TRIO: variants seen among roughly 807,000 people sequenced by gnomAD.
The protein encoded by TRIO is triple functional domain protein.
TRIO carries 58 observed loss-of-function variants against 351.9 expected under a neutral mutation model. The observed-to-expected ratio is 0.16, with a 90% confidence interval of 0.13 to 0.21. TRIO has a LOEUF of 0.21. Among genes scored for constraint, TRIO ranks in the 10% least tolerant of loss-of-function variants. The pLI, the probability that TRIO is intolerant of heterozygous loss-of-function variation, is 1.00. For synonymous variants in TRIO, 1,758 were observed against 1,595.7 expected (o/e 1.10, Z -2.42); for missense variants, 3,201 against 4,027.8 (o/e 0.79, Z 5.56).
intron 21 of TRIO, among the ~76,000 whole-genome samples, chr5:14,385,960 T>C (rs1367393142): frequency 6.6e-6 from 1 of 152,188 alleles, no homozygotes; most frequent in Non-Finnish European, 1.5e-5. Context: ...CAGATGGCCC[T>C]TGTGGCAATG....
chr5:14,429,023 G>A (rs530345241), intron 34 of TRIO, among the ~76,000 whole-genome samples: 3 of 152,326 alleles, frequency 2.0e-5, no homozygotes, highest in African/African-American at 4.8e-5. Flanking sequence ...GTACACAAAC[G>A]GGGTTCCCTT....
At chr5:14,257,400 A>G (rs1795083738) in intron 1 of TRIO, among the ~76,000 whole-genome samples, 1 of 152,208 alleles carries the variant, frequency 6.6e-6, no homozygotes, top group Non-Finnish European at 1.5e-5. Flanking sequence ...TGTTGTCACC[A>G]TTTGGGAGAG....
In TRIO at chr5:14,399,135, A is replaced by T. The variant is rs1466134360; in HGVS notation, c.4614+65A>T. 4.8e-6 allele frequency: 7 copies of T among 1,455,034 alleles called. No homozygotes were observed. In the East Asian group the frequency reaches 1.6e-4, roughly 33 times the overall value. 90.1% of individuals were successfully genotyped at this position (1,455,034 alleles called of 1,614,324 possible). A position where few individuals can be genotyped will look rare whatever the true frequency, so the allele number is the denominator to read the frequency against. ...ACAATTGCAGTCTTTTTGTAGGTAG[A>T]GAAGAATTGTTCATTGTCTTCAGTT... is the stretch of plus-strand genomic sequence containing the variant. On this transcript the variant is annotated intron_variant, in intron 30 of 56. Transcript: ENST00000344204.
chr5:14,476,998 A>G lies in TRIO; in HGVS notation c.6153+35A>G, dbSNP rs946817089. The G allele has an allele frequency of 2.5e-6, 4 of 1,574,832 alleles. 1 individual carries two copies. The highest frequency in any genetic ancestry group is 3.3e-4 in the Middle Eastern group (2 of 5,988). ...ATAGCATTGCTTATATCCTGTTCTG[A>G]TGGTGTCATCCTTAGTCACTGGTTT... On this transcript the variant is annotated intron_variant, in intron 41 of 56. Coordinates refer to ENST00000344204, the MANE Select transcript of TRIO (RefSeq NM_007118.4).
At chr5:14,231,213 C>T in intron 1 of TRIO, among the ~76,000 whole-genome samples, 1 of 152,230 alleles carries the variant, frequency 6.6e-6, no homozygotes, top group East Asian at 1.9e-4. Context: ...CTACCACATC[C>T]ATTTTTCCGT....
intron 34 of TRIO, 60 bp downstream of exon 34, chr5:14,420,081 G>A (rs562142815): frequency 1.9e-6 from 3 of 1,575,318 alleles, no homozygotes; most frequent in Admixed American, 1.7e-5. Flanking sequence ...GGAGCGCTCT[G>A]TCTCCGCGCC....
At chr5:14,201,270 AAAAT>A (rs1170716909) in intron 1 of TRIO, among the ~76,000 whole-genome samples, 8 of 152,222 alleles carry the variant, frequency 5.3e-5, no homozygotes, top group African/African-American at 1.7e-4. Flanking sequence ...CAAAAAATAA[AAAAT>A]AAATAAAAAA....
At chr5:14,217,204 G>C (rs164719) in intron 1 of TRIO, among the ~76,000 whole-genome samples, 65 of 152,258 alleles carry the variant, frequency 4.3e-4, no homozygotes, top group African/African-American at 1.5e-3. Flanking sequence ...CAAAACAACA[G>C]AACCTACAGT....
At chr5:14,218,767 C>G (rs1267839220) in intron 1 of TRIO, among the ~76,000 whole-genome samples, 1 of 152,260 alleles carries the variant, frequency 6.6e-6, no homozygotes. Context: ...TCCGCGGCCA[C>G]TGCCCTCCTG....
At chr5:14,454,717 G>A (rs1753126720) in intron 34 of TRIO, among the ~76,000 whole-genome samples, 1 of 152,224 alleles carries the variant, frequency 6.6e-6, no homozygotes, top group Admixed American at 6.5e-5. Flanking sequence ...GGTCATGGTT[G>A]GCTTCCTGCC....
At chr5:14,408,722 C>T (rs368784697) in intron 33 of TRIO, among the ~76,000 whole-genome samples, 28 of 152,130 alleles carry the variant, frequency 1.8e-4, no homozygotes, top group African/African-American at 6.5e-4. Context: ...ATCATGGGTG[C>T]TCAAGTGTGT....
At chr5:14,412,396 A>G (rs1749281890) in intron 33 of TRIO, among the ~76,000 whole-genome samples, 1 of 152,248 alleles carries the variant, frequency 6.6e-6, no homozygotes, top group Non-Finnish European at 1.5e-5. Context: ...GCGTCGAGGT[A>G]GTATGTAAAG....
intron 34 of TRIO, among the ~76,000 whole-genome samples, chr5:14,426,657 G>T (rs1034349705): frequency 1.3e-5 from 2 of 152,202 alleles, no homozygotes; most frequent in Non-Finnish European, 2.9e-5. Context: ...CCGTAGGCTC[G>T]GTAGAGAAAG....
intron 34 of TRIO, among the ~76,000 whole-genome samples, chr5:14,443,868 G>T (rs961221925): frequency 6.6e-6 from 1 of 152,212 alleles, no homozygotes; most frequent in Non-Finnish European, 1.5e-5. Context: ...GGAGAGCCTA[G>T]TTCTACGGAT....
At chr5:14,387,928 TGC>T in intron 23 of TRIO, 81 bp downstream of exon 23, 1 of 1,455,556 alleles carries the variant, frequency 6.9e-7, no homozygotes, top group South Asian at 1.2e-5. Flanking sequence ...CTTCTGTGTG[TGC>T]TTTGAAGTCA....
Position 14,491,235 on chromosome 5 carries a change from T to A in TRIO, c.7633-1332T>A, listed in dbSNP as rs115957602. Among the ~76,000 whole-genome samples the A allele has an allele frequency of 1.4e-3, 208 of 152,316 alleles. 1 individual carries two copies. The highest frequency in any genetic ancestry group is 4.9e-3 in the African/African-American group (203 of 41,574). On this transcript the variant is annotated intron_variant, in intron 48 of 56. Transcript: ENST00000344204. ...TGGCCAGCTACAGCAGTCCGCCACC[T>A]GCTCCAGCGTGTACTGATACTGGCT...
chr5:14,208,522 G>A (rs1791678042), intron 1 of TRIO, among the ~76,000 whole-genome samples: 1 of 152,222 alleles, frequency 6.6e-6, no homozygotes, highest in Non-Finnish European at 1.5e-5. Flanking sequence ...AGGATTGACT[G>A]CAAAGAGTCA....
intron 54 of TRIO, among the ~76,000 whole-genome samples, chr5:14,503,512 G>A (rs553793924): frequency 1.1e-4 from 16 of 152,354 alleles, no homozygotes; most frequent in African/African-American, 3.8e-4. Flanking sequence ...TGCCCCATGC[G>A]TGTCAGAGGC....
intron 33 of TRIO, among the ~76,000 whole-genome samples, chr5:14,417,698 CAG>C (rs762435436): frequency 1.5e-4 from 23 of 152,214 alleles, no homozygotes; most frequent in Admixed American, 3.9e-4. Context: ...CAAGAGGTGA[CAG>C]GGGAGAGCTG....
Sources: gnomAD v4.1 joint callset for allele counts (sites outside exome capture counted in the v4.1 genomes callset) on GRCh38, gnomAD v4.1.1 for gene constraint, MANE v1.5 for transcripts, NCBI Gene and HGNC (gene_info 2026-07-23, HGNC 2026-07-21) for gene names.